The following LRP5 variants were observed in gnomAD, a reference collection of about 807,000 sequenced individuals.
The protein encoded by LRP5 is LDL receptor related protein 5, also known as low-density lipoprotein receptor-related protein 5.
Under a neutral mutation model 154.1 loss-of-function variants are expected in LRP5, and 62 were observed. The observed-to-expected ratio is 0.40, with a 90% confidence interval of 0.33 to 0.50. LRP5 has a LOEUF of 0.50. Ranked by LOEUF, LRP5 falls within the 20% of genes least tolerant of loss-of-function variation. The pLI is 0.55. For synonymous variants in LRP5, 966 were observed against 1,011.5 expected (o/e 0.96, Z 0.85); for missense variants, 1,915 against 2,336.7 (o/e 0.82, Z 3.72).
At chr11:68,395,570 T>C (rs1284277295) in intron 7 of LRP5, among the ~76,000 whole-genome samples, 1 of 152,104 alleles carries the variant, frequency 6.6e-6, no homozygotes, top group Non-Finnish European at 1.5e-5. Context: ...GCCCTTTATA[T>C]GCTTACACAG....
rs150008363 is a variant in LRP5 at position 68,346,807 on chromosome 11, C to A, written c.92-1040C>A. Among the ~76,000 whole-genome samples, 14 of 152,340 alleles carry A rather than the reference C, an allele frequency of 9.2e-5. No individual in the cohort carries two copies. In the East Asian group the frequency reaches 1.9e-3, roughly 21 times the overall value. On this transcript the variant is annotated intron_variant, in intron 1 of 22. Transcript: ENST00000294304. ...GCTCCCTGGAGGCCCTTAACCTCCTCCTGTCCACATCTTGTGTTCACTCCT... is the reference window on the plus strand; with the variant it reads ...GCTCCCTGGAGGCCCTTAACCTCCTACTGTCCACATCTTGTGTTCACTCCT...
At chr11:68,444,626 G>A (rs767982554) in intron 21 of LRP5, among the ~76,000 whole-genome samples, 49 of 139,984 alleles carry the variant, frequency 3.5e-4, no homozygotes, top group Non-Finnish European at 6.0e-4. Flanking sequence ...GGGCCTGGCC[G>A]TGGTTCACGG....
intron 1 of LRP5, among the ~76,000 whole-genome samples, chr11:68,318,117 T>G (rs2098594490): frequency 6.6e-6 from 1 of 151,510 alleles, no homozygotes; most frequent in African/African-American, 2.4e-5. Context: ...TGCAGCGGTG[T>G]GATCTCAGCT....
intron 1 of LRP5, among the ~76,000 whole-genome samples, chr11:68,332,673 C>T (rs973344201): frequency 7.9e-5 from 12 of 152,156 alleles, no homozygotes; most frequent in African/African-American, 1.2e-4. Flanking sequence ...GTGGAGTCTA[C>T]GGGAGACTTG....
chr11:68,303,469 TG>T, the LRP5 span, among the ~76,000 whole-genome samples: 1 of 152,204 alleles, frequency 6.6e-6, no homozygotes, highest in Non-Finnish European at 1.5e-5. Context: ...CCAGGACATC[TG>T]GGGGAAGACA....
At position 68,410,065 on chromosome 11, in the gene LRP5, A is replaced by T. The variant is rs544505368; in HGVS notation, c.2243A>T (p.Asp748Val). ...AACAGAATCGAAGTGGCGCGGCTGG[A>T]CGGGCAGTTCCGGCAAGTCCTCGTG... ...GTNRIEVARL[D>V]GQFRQVLVWR... is the part of the protein sequence containing the mutation. Residue 748 changes from aspartate to valine, a missense_variant, in exon 10 of 23, where the codon GAC becomes GTC. Around this residue, in one of 3 missense-constraint regions of LRP5, gnomAD observed 773 missense variants for 1,100.9 expected, o/e 0.70. Coordinates refer to ENST00000294304, the MANE Select transcript of LRP5 (RefSeq NM_002335.4). The T allele has an allele frequency of 6.2e-7, 1 of 1,613,974 alleles. No homozygotes were observed. Among genetic ancestry groups the T allele is most frequent in the East Asian group, 2.2e-5 (1 of 44,876 alleles).
At chr11:68,348,396 C>T (rs772148704) in intron 2 of LRP5, among the ~76,000 whole-genome samples, 153 bp downstream of exon 2, 3 of 131,726 alleles carry the variant, frequency 2.3e-5, no homozygotes, top group Non-Finnish European at 5.2e-5. Flanking sequence ...GTAACCCCAG[C>T]ACTCGGTGTG....
intron 16 of LRP5, among the ~76,000 whole-genome samples, chr11:68,427,975 T>TTTA (rs1565105942): frequency 0.018 from 772 of 43,418 alleles, 9 homozygotes; most frequent in South Asian, 0.11. Context: ...ATTTTATTTT[T>TTTA]TTTATTTATT....
chr11:68,372,591 T>G (rs2153144580), intron 5 of LRP5, among the ~76,000 whole-genome samples: 1 of 152,220 alleles, frequency 6.6e-6, no homozygotes, highest in South Asian at 2.1e-4. Flanking sequence ...CTCTCTGTGC[T>G]TCAGTTTGTC....
chr11:68,307,323 AAATTT>A, the LRP5 span, among the ~76,000 whole-genome samples: 15 of 151,914 alleles, frequency 9.9e-5, no homozygotes, highest in African/African-American at 3.6e-4. Context: ...TCTCTATAAA[AAATTT>A]AGAAAAATTT....
chr11:68,407,014 C>A (rs1194130509), intron 9 of LRP5, among the ~76,000 whole-genome samples: 1 of 151,958 alleles, frequency 6.6e-6, no homozygotes, highest in Admixed American at 6.6e-5. Flanking sequence ...CACATAAGGG[C>A]TTTTGTGAAA....
At chr11:68,312,850 A>G (rs1249837111) in intron 1 of LRP5, 45 bp downstream of exon 1, 3 of 967,434 alleles carry the variant, frequency 3.1e-6, no homozygotes, top group South Asian at 4.6e-5. Context: ...TGCTCGGACA[A>G]TGGCCCGGGC....
At chr11:68,374,516 AT>A (rs1489503364) in intron 5 of LRP5, among the ~76,000 whole-genome samples, 9 of 152,128 alleles carry the variant, frequency 5.9e-5, no homozygotes, top group Admixed American at 5.9e-4. Context: ...TGCTAACTTT[AT>A]TTTTTTAATT....
At chr11:68,428,806 T>C (rs1421707299) in intron 16 of LRP5, among the ~76,000 whole-genome samples, 1 of 136,648 alleles carries the variant, frequency 7.3e-6, no homozygotes, top group African/African-American at 2.8e-5. Flanking sequence ...GAGGGCCAGG[T>C]GTGGTAGTTC....
At chr11:68,304,525 G>A in the LRP5 span, among the ~76,000 whole-genome samples, 1 of 152,242 alleles carries the variant, frequency 6.6e-6, no homozygotes, top group Admixed American at 6.5e-5. Flanking sequence ...TAGTGGAGCT[G>A]CGGGACGGGG....
chr11:68,438,857 T>G (rs1224210026), intron 20 of LRP5, among the ~76,000 whole-genome samples, 175 bp downstream of exon 20: 1 of 152,248 alleles, frequency 6.6e-6, no homozygotes, highest in Non-Finnish European at 1.5e-5. Context: ...ATCAGAATCC[T>G]TCAACACAGA....
At chr11:68,383,481 C>T (rs61887834) in intron 5 of LRP5, among the ~76,000 whole-genome samples, 7 of 152,224 alleles carry the variant, frequency 4.6e-5, no homozygotes, top group Non-Finnish European at 1.0e-4. Context: ...CTCTGGTCCC[C>T]TCCAAGTCAT....
intron 7 of LRP5, 94 bp downstream of exon 7, chr11:68,390,146 T>TC: frequency 1.4e-5 from 21 of 1,454,712 alleles, no homozygotes; most frequent in African/African-American, 2.8e-5. Flanking sequence ...GATGGGTGCC[T>TC]GTGCTCTGCT....
chr11:68,381,820 AC>A (rs1020298485), intron 5 of LRP5, among the ~76,000 whole-genome samples: 52 of 152,072 alleles, frequency 3.4e-4, no homozygotes, highest in African/African-American at 1.3e-3. Context: ...GCCCCTCCCA[AC>A]CCCAGGCCTG....
Sources: gnomAD v4.1 joint callset for allele counts (sites outside exome capture counted in the v4.1 genomes callset) on GRCh38, gnomAD v4.1.1 for gene constraint, gnomAD v4.1.1 regional missense constraint, MANE v1.5 for transcripts, NCBI Gene and HGNC (gene_info 2026-07-23, HGNC 2026-07-21) for gene names.